Variants in PLXNC1 observed in about 807,000 individuals in gnomAD.
PLXNC1 encodes plexin C1, also known as plexin-C1.
A neutral mutation model predicts 178.2 loss-of-function variants in PLXNC1; 75 were observed. The observed-to-expected ratio is 0.42, with a 90% confidence interval of 0.35 to 0.51. The LOEUF (loss-of-function observed/expected upper bound fraction) is 0.51. PLXNC1 is among the 20% of genes least tolerant of loss of function. The pLI, the probability that PLXNC1 is intolerant of heterozygous loss-of-function variation, is 0.02. For synonymous variants in PLXNC1, 790 were observed against 779.9 expected, an observed-to-expected ratio of 1.01 and a Z score of -0.22; for missense variants, 1,503 against 1,984.4, an observed-to-expected ratio of 0.76 and a Z score of 4.61.
At chr12:94,255,767 T>C (rs192102958) in intron 17 of PLXNC1, 4 of 162,386 alleles carry the variant, frequency 2.5e-5, no homozygotes, top group South Asian at 3.3e-4. Flanking sequence ...ATGGATGGAA[T>C]TGGAGTTGAA....
At chr12:94,257,737 T>C (rs1322125221) in intron 17 of PLXNC1, among the ~76,000 whole-genome samples, 1 of 151,510 alleles carries the variant, frequency 6.6e-6, no homozygotes, top group Non-Finnish European at 1.5e-5. Context: ...AAACCCCGTC[T>C]CTACTAAAAA....
chr12:94,237,543 T>G, intron 9 of PLXNC1, 121 bp from the exon 10 acceptor site: 3 of 753,028 alleles, frequency 4.0e-6, no homozygotes, highest in Non-Finnish European at 6.5e-6. Flanking sequence ...TGTCTGCTTG[T>G]GTTCGCAAAA....
intron 2 of PLXNC1, among the ~76,000 whole-genome samples, chr12:94,177,234 T>C (rs1326137319): frequency 1.1e-5 from 1 of 94,210 alleles, no homozygotes; most frequent in Non-Finnish European, 2.2e-5. Flanking sequence ...TATATACATA[T>C]ATATATATAT....
chr12:94,244,795 G>T (rs537035056), intron 12 of PLXNC1, among the ~76,000 whole-genome samples: 1 of 152,362 alleles, frequency 6.6e-6, no homozygotes, highest in South Asian at 2.1e-4. Flanking sequence ...CATTCAAAAG[G>T]CTGGACACGG....
intron 9 of PLXNC1, among the ~76,000 whole-genome samples, chr12:94,228,206 A>G (rs1006996568): frequency 1.2e-4 from 18 of 152,232 alleles, no homozygotes; most frequent in African/African-American, 3.1e-4. Flanking sequence ...AATTAAAGGC[A>G]TTAGAAAAGC....
At chr12:94,191,179 C>G (rs1962707065) in intron 4 of PLXNC1, among the ~76,000 whole-genome samples, 5 of 152,210 alleles carry the variant, frequency 3.3e-5, no homozygotes. Context: ...TGGCCCTTCA[C>G]AGCCATGTCA....
intron 24 of PLXNC1, among the ~76,000 whole-genome samples, chr12:94,296,919 A>G (rs1281622804): frequency 1.3e-5 from 2 of 152,172 alleles, no homozygotes; most frequent in Admixed American, 1.3e-4. Context: ...TTGTTAAATG[A>G]ATGAGGCTTG....
chr12:94,254,423 C>T, intron 15 of PLXNC1: 1 of 441,374 alleles, frequency 2.3e-6, no homozygotes, highest in Non-Finnish European at 4.5e-6. Context: ...AACAATGGAA[C>T]AATGCAAGTG....
chr12:94,180,906 C>T (rs1192964420), intron 2 of PLXNC1, among the ~76,000 whole-genome samples: 2 of 152,132 alleles, frequency 1.3e-5, no homozygotes, highest in Admixed American at 6.6e-5. Context: ...CCCTGAAGAG[C>T]GGCTTTTTTT....
Position 94,181,540 on chromosome 12 carries a change from C to A in PLXNC1, c.1298C>A (p.Pro433His). 6.2e-7 allele frequency: 1 copy of A among 1,608,396 alleles called. No individual in the cohort carries two copies. The highest frequency in any genetic ancestry group is 8.5e-7 in the Non-Finnish European group (1 of 1,175,196). ...TPVFYKLVPD[P>H]VKNIYIYLTA... ...GTTTTCTACAAACTCGTTCCTGATCCTGTGAAGAATATCTACATTTATCTA... is the reference window on the plus strand; with the variant it reads ...GTTTTCTACAAACTCGTTCCTGATCATGTGAAGAATATCTACATTTATCTA... Residue 433 changes from proline to histidine, a missense_variant, in exon 3 of 31, where the codon CCT (proline) becomes CAT (histidine). Coordinates refer to ENST00000258526, the MANE Select transcript of PLXNC1 (RefSeq NM_005761.3).
intron 2 of PLXNC1, among the ~76,000 whole-genome samples, chr12:94,170,176 T>G (rs1200216998): frequency 6.6e-6 from 1 of 152,192 alleles, no homozygotes; most frequent in Non-Finnish European, 1.5e-5. Context: ...TCAACTGATC[T>G]CCCACAGATA....
intron 23 of PLXNC1, among the ~76,000 whole-genome samples, chr12:94,290,892 C>T (rs898310502): frequency 6.6e-6 from 1 of 152,206 alleles, no homozygotes; most frequent in African/African-American, 2.4e-5. Context: ...GAAACAGTTC[C>T]AGAATGAAGG....
intron 9 of PLXNC1, among the ~76,000 whole-genome samples, chr12:94,231,453 C>T (rs1033714395): frequency 6.6e-6 from 1 of 152,192 alleles, no homozygotes; most frequent in Non-Finnish European, 1.5e-5. Context: ...CTTTATTCTT[C>T]AGTGGCAATG....
At chr12:94,223,884 T>G (rs761088060) in intron 6 of PLXNC1, among the ~76,000 whole-genome samples, 21 of 152,226 alleles carry the variant, frequency 1.4e-4, no homozygotes, top group Non-Finnish European at 2.8e-4. Context: ...TGACTTGTTT[T>G]GTTCTTATGC....
At chr12:94,278,864 G>A (rs1447501492) in intron 21 of PLXNC1, among the ~76,000 whole-genome samples, 1 of 152,154 alleles carries the variant, frequency 6.6e-6, no homozygotes, top group Non-Finnish European at 1.5e-5. Context: ...CAGGCATGGT[G>A]GCATGTGCCT....
At chr12:94,154,951 G>A (rs759236055) in intron 1 of PLXNC1, among the ~76,000 whole-genome samples, 1 of 152,208 alleles carries the variant, frequency 6.6e-6, no homozygotes, top group Non-Finnish European at 1.5e-5. Context: ...AATCATGTTG[G>A]AAATGTTTTC....
At chr12:94,207,344 CT>C (rs575868392) in intron 4 of PLXNC1, among the ~76,000 whole-genome samples, 1 of 149,670 alleles carries the variant, frequency 6.7e-6, no homozygotes, top group East Asian at 1.9e-4. Flanking sequence ...TTTCTTTTCC[CT>C]TTTTTTTTCA....
At chr12:94,176,255 C>G (rs1357442193) in intron 2 of PLXNC1, 1 of 152,194 alleles carries the variant, frequency 6.6e-6, no homozygotes, top group African/African-American at 2.4e-5. Flanking sequence ...TTCCCTTGCT[C>G]CAGTCTTGCT....
chr12:94,149,971 A>T lies in PLXNC1; in HGVS notation c.1000A>T (p.Ser334Cys). Residue 334 changes from serine (S) to cysteine (C), a missense_variant, in exon 1 of 31, where the codon AGT (serine) becomes TGT (cysteine). By Grantham distance (112) the Ser-to-Cys change is moderately radical. Coordinates refer to ENST00000258526, the MANE Select transcript of PLXNC1 (RefSeq NM_005761.3). ...TTTALCLFRM[S>C]EIQARAKRVS... ...CACGGCGCTCTGCCTCTTCAGAATGAGTGAGATCCAGGCGCGCGCCAAGAG... is the reference window on the plus strand; with the variant it reads ...CACGGCGCTCTGCCTCTTCAGAATGTGTGAGATCCAGGCGCGCGCCAAGAG... 1 of 1,594,326 alleles carries T rather than the reference A, an allele frequency of 6.3e-7. No homozygotes were observed. Among genetic ancestry groups the T allele is most frequent in the Non-Finnish European group, 8.5e-7 (1 of 1,171,588 alleles).
Sources: gnomAD v4.1 joint callset for allele counts (sites outside exome capture counted in the v4.1 genomes callset) on GRCh38, gnomAD v4.1.1 for gene constraint, MANE v1.5 for transcripts, NCBI Gene and HGNC (gene_info 2026-07-23, HGNC 2026-07-21) for gene names.